The following SNTB1 variants were observed in gnomAD, a reference collection of about 807,000 sequenced individuals.
SNTB1 encodes the protein syntrophin beta 1, also known as beta-1-syntrophin.
A neutral mutation model predicts 48.9 loss-of-function variants in SNTB1; 36 were observed. The observed-to-expected ratio is 0.74, with a 90% confidence interval of 0.56 to 0.97. The LOEUF (loss-of-function observed/expected upper bound fraction) is 0.97. Among genes scored for constraint, SNTB1 ranks in the 50% least tolerant of loss-of-function variants. The pLI is 0.00. For missense variants in SNTB1, 786 were observed against 703.4 expected (o/e 1.12, Z -1.33); for synonymous variants, 299 against 294.6 (o/e 1.01, Z -0.15).
chr8:120,654,927 G>A (rs1305335935), intron 2 of SNTB1: 1 of 455,240 alleles, frequency 2.2e-6, no homozygotes, highest in South Asian at 1.6e-5. Context: ...AACTAGTCAG[G>A]AGGATGAAGT....
At chr8:120,762,105 G>T (rs1179031824) in intron 1 of SNTB1, among the ~76,000 whole-genome samples, 1 of 152,156 alleles carries the variant, frequency 6.6e-6, no homozygotes, top group Non-Finnish European at 1.5e-5. Context: ...CCATTGCAAT[G>T]AATTCCAGAG....
chr8:120,544,446 CA>C (rs1289575926), intron 5 of SNTB1, among the ~76,000 whole-genome samples: 4 of 152,226 alleles, frequency 2.6e-5, no homozygotes, highest in African/African-American at 9.6e-5. Flanking sequence ...CAACTCTCTG[CA>C]GGCATCTTTC....
At chr8:120,615,025 C>T (rs1223975969) in intron 3 of SNTB1, among the ~76,000 whole-genome samples, 1 of 150,128 alleles carries the variant, frequency 6.7e-6, no homozygotes, top group African/African-American at 2.5e-5. Flanking sequence ...GTGGCACGCA[C>T]CTGTAGTCCC....
In SNTB1 at chr8:120,811,138, C is replaced by A. The variant is rs960758869; in HGVS notation, c.571+135G>T. 30 of 1,238,108 alleles carry A rather than the reference C, an allele frequency of 2.4e-5. No homozygotes were observed. The South Asian group carries it at 2.6e-4, about 11-fold the overall frequency. 76.7% of individuals were successfully genotyped at this position (1,238,108 alleles called of 1,614,324 possible). ...CACCCCCTGCGCCACCCTTCCCCCC[C>A]CCCCAACACACACACACCCGGCCCC... On this transcript the variant is annotated intron_variant, in intron 1 of 6. Transcript: ENST00000517992.
At chr8:120,648,875 C>CT (rs1257907074) in intron 2 of SNTB1, among the ~76,000 whole-genome samples, 3 of 151,956 alleles carry the variant, frequency 2.0e-5, no homozygotes, top group African/African-American at 7.3e-5. Flanking sequence ...TCTTTTTATT[C>CT]TTTTTTCTCT....
intron 1 of SNTB1, among the ~76,000 whole-genome samples, chr8:120,802,815 A>G (rs1820251623): frequency 6.6e-6 from 1 of 152,158 alleles, no homozygotes; most frequent in Non-Finnish European, 1.5e-5. Context: ...ACTGTTTTAC[A>G]TACTTAGTCC....
intron 3 of SNTB1, among the ~76,000 whole-genome samples, chr8:120,579,118 A>C (rs958368999): frequency 6.6e-6 from 1 of 152,208 alleles, no homozygotes; most frequent in African/African-American, 2.4e-5. Flanking sequence ...CAGAGGTTGC[A>C]GTGAGCCAAG....
chr8:120,744,646 G>T lies in SNTB1; in HGVS notation c.572-50738C>A, dbSNP rs116219835. 3.7e-3 allele frequency among the ~76,000 whole-genome samples: 567 copies of T among 152,056 alleles called. 4 individuals are homozygous for T. Among genetic ancestry groups the T allele is most frequent in the African/African-American group, 0.013 (542 of 41,474 alleles). ...TTTTATTATTTTTTAGTGTTGGTAG[G>T]TTTTTTCTGGACAAAGGAAACTTTG... On this transcript the variant is annotated intron_variant, in intron 1 of 6. Coordinates refer to ENST00000517992, the MANE Select transcript of SNTB1 (RefSeq NM_021021.4).
At chr8:120,617,806 G>A (rs1816738977) in intron 3 of SNTB1, among the ~76,000 whole-genome samples, 1 of 152,222 alleles carries the variant, frequency 6.6e-6, no homozygotes, top group South Asian at 2.1e-4. Flanking sequence ...GTGAAGAAGA[G>A]AGAGAAAATA....
At chr8:120,650,688 C>T (rs1476078922) in intron 2 of SNTB1, among the ~76,000 whole-genome samples, 6 of 152,194 alleles carry the variant, frequency 3.9e-5, no homozygotes, top group Non-Finnish European at 5.9e-5. Flanking sequence ...ACTTCAGATA[C>T]ACGCATTTTG....
intron 6 of SNTB1, among the ~76,000 whole-genome samples, chr8:120,540,118 T>C (rs1438762308): frequency 1.3e-5 from 2 of 152,136 alleles, no homozygotes; most frequent in African/African-American, 4.8e-5. Context: ...ATGGGGAGAC[T>C]GAGATAGAAA....
intron 2 of SNTB1, among the ~76,000 whole-genome samples, chr8:120,684,513 T>G (rs1331569692): frequency 6.6e-6 from 1 of 152,090 alleles, no homozygotes; most frequent in Non-Finnish European, 1.5e-5. Context: ...CCTCCAGATG[T>G]AGGCCTGTGA....
chr8:120,809,950 C>A (rs1820398546), intron 1 of SNTB1, among the ~76,000 whole-genome samples: 2 of 152,184 alleles, frequency 1.3e-5, no homozygotes, highest in Non-Finnish European at 2.9e-5. Flanking sequence ...ACTAGTGATG[C>A]TGGCACCCTT....
At chr8:120,620,062 C>T (rs1378319201) in intron 3 of SNTB1, among the ~76,000 whole-genome samples, 1 of 152,100 alleles carries the variant, frequency 6.6e-6, no homozygotes, top group African/African-American at 2.4e-5. Context: ...ATTTTTATTG[C>T]ACTTAATAGA....
intron 1 of SNTB1, among the ~76,000 whole-genome samples, chr8:120,712,440 A>G (rs1209529957): frequency 2.6e-5 from 4 of 151,712 alleles, no homozygotes; most frequent in African/African-American, 9.7e-5. Flanking sequence ...AAAAGAAGAA[A>G]TATATGACAT....
At chr8:120,809,455 C>T (rs116715160) in intron 1 of SNTB1, among the ~76,000 whole-genome samples, 3,180 of 152,072 alleles carry the variant, frequency 0.021, 136 homozygotes, top group African/African-American at 0.073. Flanking sequence ...TTTTTTCTTT[C>T]TCTAAGTTTA....
intron 1 of SNTB1, among the ~76,000 whole-genome samples, chr8:120,708,073 AC>A (rs1004463171): frequency 5.3e-4 from 80 of 152,060 alleles, no homozygotes; most frequent in African/African-American, 1.9e-3. Flanking sequence ...TGTATTATAA[AC>A]AAAAGGGGAA....
intron 5 of SNTB1, among the ~76,000 whole-genome samples, chr8:120,543,341 C>T (rs1815323387): frequency 1.3e-5 from 2 of 152,208 alleles, no homozygotes; most frequent in South Asian, 2.1e-4. Context: ...GGGAAACCAG[C>T]ACACTCACTG....
At chr8:120,641,699 G>A (rs889771866) in intron 2 of SNTB1, among the ~76,000 whole-genome samples, 1 of 152,180 alleles carries the variant, frequency 6.6e-6, no homozygotes, top group Non-Finnish European at 1.5e-5. Context: ...CACCTCAACT[G>A]TATTTTTGCA....
Sources: gnomAD v4.1 joint callset for allele counts (sites outside exome capture counted in the v4.1 genomes callset) on GRCh38, gnomAD v4.1.1 for gene constraint, MANE v1.5 for transcripts, NCBI Gene and HGNC (gene_info 2026-07-23, HGNC 2026-07-21) for gene names.